The following BIRC6 variants were observed in gnomAD, a reference collection of about 807,000 sequenced individuals.
BIRC6 encodes baculoviral IAP repeat containing 6, also known as dual E2 ubiquitin-conjugating enzyme/E3 ubiquitin-protein ligase BIRC6.
BIRC6 carries 98 observed loss-of-function variants against 503.3 expected under a neutral mutation model. The ratio of observed to expected loss-of-function variants is 0.19; its 90% CI spans 0.17 to 0.23. The LOEUF (loss-of-function observed/expected upper bound fraction) is 0.23. Among genes scored for constraint, BIRC6 ranks in the 10% least tolerant of loss-of-function variants. BIRC6 has a pLI of 1.00. For missense variants in BIRC6, 5,360 were observed against 5,806.0 expected (o/e 0.92, Z 2.50); for synonymous variants, 2,240 against 2,078.7 (o/e 1.08, Z -2.11).
intron 11 of BIRC6, 56 bp downstream of exon 11, chr2:32,429,351 T>G: frequency 7.8e-7 from 1 of 1,286,430 alleles, no homozygotes; most frequent in African/African-American, 1.5e-5. Flanking sequence ...TATTTATCAT[T>G]TTTCTAGTTG....
intron 3 of BIRC6, 151 bp from the exon 4 acceptor site, chr2:32,388,599 A>G (rs1325729159): frequency 1.0e-5 from 6 of 586,436 alleles, no homozygotes; most frequent in African/African-American, 5.7e-5. Flanking sequence ...ATTTTTTTTT[A>G]TAACTGCAAG....
intron 33 of BIRC6, among the ~76,000 whole-genome samples, chr2:32,473,873 C>G (rs1422407179): frequency 1.3e-5 from 2 of 151,250 alleles, no homozygotes; most frequent in Non-Finnish European, 2.9e-5. Flanking sequence ...CCCGCCTTAG[C>G]TTTCCGAGTA....
Position 32,498,172 on chromosome 2 carries a change from G to A in BIRC6, c.8469-1375G>A, listed in dbSNP as rs118091763. Among the ~76,000 whole-genome samples, 357 of 152,004 alleles carry A rather than the reference G, an allele frequency of 2.3e-3. 12 individuals carry two copies. In the East Asian group the frequency reaches 0.061, roughly 26 times the overall value. On this transcript the variant is annotated intron_variant, in intron 45 of 73. Coordinates refer to ENST00000421745, the MANE Select transcript of BIRC6 (RefSeq NM_016252.4). ...CGCCTTCTGGGTTCACGTGATTTTC[G>A]TGCCTTAACTTGCCGAATAGCTGGG...
rs763424988 is a variant in BIRC6 at position 32,487,733 on chromosome 2, T to G, written c.7900T>G (p.Ser2634Ala). The stretch of plus-strand genomic sequence containing the variant: ...AACCAGCCAGCTTATTATACAGTTA[T>G]CATCTGTCCCAATGTTAAATGTTTG... ...NQTSQLIIQL[S>A]SVPMLNVCFN... Residue 2634 changes from serine (S) to alanine (A), a missense_variant, in exon 41 of 74, where the codon TCA becomes GCA. By Grantham distance (99) the Ser-to-Ala change is moderately conservative (BLOSUM62 1). This residue lies in a region of BIRC6 where 2,299 missense variants were observed against 2,267.2 expected (regional missense o/e 1.01). Coordinates refer to ENST00000421745, the MANE Select transcript of BIRC6 (RefSeq NM_016252.4). The G allele has an allele frequency of 6.2e-7, 1 of 1,613,504 alleles. No individual in the cohort carries two copies. Among genetic ancestry groups the G allele is most frequent in the East Asian group, 2.2e-5 (1 of 44,840 alleles).
intron 4 of BIRC6, 86 bp from the exon 5 acceptor site, chr2:32,391,953 G>T: frequency 1.1e-6 from 1 of 888,574 alleles, no homozygotes. Flanking sequence ...TGATAACCCA[G>T]TAAAATTATT....
intron 9 of BIRC6, among the ~76,000 whole-genome samples, chr2:32,411,530 T>A (rs994665569): frequency 6.6e-6 from 1 of 151,520 alleles, no homozygotes; most frequent in African/African-American, 2.4e-5. Flanking sequence ...CAGGCTGGAG[T>A]GCAGTGGCGT....
intron 2 of BIRC6, among the ~76,000 whole-genome samples, chr2:32,379,791 T>C (rs1025226394): frequency 7.9e-5 from 12 of 152,168 alleles, no homozygotes. Flanking sequence ...TTATATAGCT[T>C]GAGTATTTAA....
intron 65 of BIRC6, chr2:32,563,545 C>T (rs191559295): frequency 4.6e-5 from 7 of 152,084 alleles, no homozygotes; most frequent in East Asian, 1.9e-4. Flanking sequence ...TGCTTTTCCT[C>T]GTATTAGTGT....
At chr2:32,608,204 G>A (rs1226075240) in intron 72 of BIRC6, among the ~76,000 whole-genome samples, 1 of 150,656 alleles carries the variant, frequency 6.6e-6, no homozygotes, top group Non-Finnish European at 1.5e-5. Flanking sequence ...AAGGCAGGAG[G>A]TTTGCCTGAG....
intron 71 of BIRC6, among the ~76,000 whole-genome samples, chr2:32,606,665 T>G (rs1357848369): frequency 6.6e-6 from 1 of 152,050 alleles, no homozygotes; most frequent in Non-Finnish European, 1.5e-5. Flanking sequence ...GAATAAAAAT[T>G]TAAAATGGTC....
At position 32,465,594 on chromosome 2, in the gene BIRC6, G is replaced by C. The variant is rs537300023; in HGVS notation, c.5356+430G>C. On this transcript the variant is annotated intron_variant, in intron 26 of 73. Coordinates refer to ENST00000421745, the MANE Select transcript of BIRC6 (RefSeq NM_016252.4). The stretch of plus-strand genomic sequence containing the variant: ...ACATATCCTAGGCTCTGAATAGTTT[G>C]AATGTTACCTGAGTTTGTCTTCTGC... Among the ~76,000 whole-genome samples, 8 of 152,228 alleles carry C rather than the reference G, an allele frequency of 5.3e-5. No homozygotes were observed. In the East Asian group the frequency reaches 1.2e-3, roughly 22 times the overall value.
chr2:32,554,652 G>A (rs1176299941), intron 65 of BIRC6, among the ~76,000 whole-genome samples: 1 of 151,884 alleles, frequency 6.6e-6, no homozygotes, highest in Non-Finnish European at 1.5e-5. Context: ...TGGTTTGACA[G>A]TTTTATAACA....
intron 73 of BIRC6, among the ~76,000 whole-genome samples, chr2:32,615,273 A>G (rs781640422): frequency 9.9e-5 from 15 of 152,104 alleles, no homozygotes; most frequent in Non-Finnish European, 2.1e-4. Flanking sequence ...TCAATCCCCA[A>G]CCTTAACTCA....
At chr2:32,393,148 A>G (rs937741274) in intron 5 of BIRC6, among the ~76,000 whole-genome samples, 2 of 151,846 alleles carry the variant, frequency 1.3e-5, no homozygotes, top group Non-Finnish European at 2.9e-5. Flanking sequence ...CTAGATAACT[A>G]CAGAAGCAGC....
chr2:32,603,636 A>C (rs1042052755), intron 71 of BIRC6, among the ~76,000 whole-genome samples: 1 of 152,112 alleles, frequency 6.6e-6, no homozygotes, highest in African/African-American at 2.4e-5. Context: ...AGGTAGGAGA[A>C]TCGCTGGAAC....
chr2:32,509,617 T>G, intron 51 of BIRC6, 121 bp from the exon 52 acceptor site: 2 of 1,099,286 alleles, frequency 1.8e-6, no homozygotes, highest in Admixed American at 2.6e-5. Flanking sequence ...TAAAAAAACA[T>G]GTCTTAGATT....
chr2:32,451,227 T>C (rs904388184), intron 22 of BIRC6, among the ~76,000 whole-genome samples: 1 of 152,250 alleles, frequency 6.6e-6, no homozygotes, highest in Non-Finnish European at 1.5e-5. Flanking sequence ...TCAAAGTTTC[T>C]AATACAGCAT....
At chr2:32,470,060 A>C in intron 30 of BIRC6, 108 bp from the exon 31 acceptor site, 1 of 1,000,632 alleles carries the variant, frequency 1.0e-6, no homozygotes, top group Non-Finnish European at 1.3e-6. Flanking sequence ...TGTTTTAAGA[A>C]AGCAAATATT....
chr2:32,599,725 T>TTA lies in BIRC6; in HGVS notation c.13831-6_13831-5dup, dbSNP rs2061928071. The stretch of plus-strand genomic sequence containing the variant: ...AATGTTAACATAGACTTTTGTATGT[T>TTA]TATATATATCCAGGTTCTAATAACT... On this transcript the variant is annotated splice_polypyrimidine_tract_variant and intron_variant, in intron 69 of 73. Coordinates refer to ENST00000421745, the MANE Select transcript of BIRC6 (RefSeq NM_016252.4). The TTA allele has an allele frequency of 6.2e-7, 1 of 1,608,878 alleles. No homozygotes were observed. Among genetic ancestry groups the TTA allele is most frequent in the African/African-American group, 1.3e-5 (1 of 74,852 alleles).
Sources: gnomAD v4.1 joint callset for allele counts (sites outside exome capture counted in the v4.1 genomes callset) on GRCh38, gnomAD v4.1.1 for gene constraint, gnomAD v4.1.1 regional missense constraint, MANE v1.5 for transcripts, NCBI Gene and HGNC (gene_info 2026-07-23, HGNC 2026-07-21) for gene names.